DIP2C: variants seen among roughly 807,000 people sequenced by gnomAD.
DIP2C encodes disco-interacting protein 2 homolog C.
In DIP2C, 33 loss-of-function variants were observed where a neutral mutation model predicts 192.4. That is an observed-to-expected ratio of 0.17 (90% confidence interval 0.13 to 0.23). The LOEUF (loss-of-function observed/expected upper bound fraction) is 0.23, where lower values mean the gene tolerates loss of function less well. Ranked by LOEUF, DIP2C falls within the 10% of genes least tolerant of loss-of-function variation. The probability of loss-of-function intolerance (pLI) is 1.00; values close to 1 mark genes in which losing one functional copy is unlikely to be tolerated. For missense variants in DIP2C, 1,537 were observed against 2,110.1 expected, an observed-to-expected ratio of 0.73 and a Z score of 5.32; for synonymous variants, 979 against 864.1, an observed-to-expected ratio of 1.13 and a Z score of -2.33.
At chr10:442,730 A>G (rs982382225) in intron 3 of DIP2C, among the ~76,000 whole-genome samples, 9 of 152,232 alleles carry the variant, frequency 5.9e-5, no homozygotes, top group African/African-American at 2.2e-4. Context: ...GTTTCAATGT[A>G]TTTCCTAAAC....
intron 3 of DIP2C, among the ~76,000 whole-genome samples, chr10:458,211 T>G (rs1317972582): frequency 6.6e-6 from 1 of 152,186 alleles, no homozygotes; most frequent in Non-Finnish European, 1.5e-5. Flanking sequence ...GTAGGCCGCC[T>G]TCTCTCCTAG....
Position 623,085 on chromosome 10 carries a change from C to T in DIP2C, c.85+66409G>A, listed in dbSNP as rs189616454. On this transcript the variant is annotated intron_variant, in intron 1 of 36. Coordinates refer to ENST00000280886, the MANE Select transcript of DIP2C (RefSeq NM_014974.3). ...GCACAGAGAGGTGCATTCTGACAGGCGTGAGACATTGTCACCCTTCCCAGG... is the reference window on the plus strand; with the variant it reads ...GCACAGAGAGGTGCATTCTGACAGGTGTGAGACATTGTCACCCTTCCCAGG... 2.2e-3 allele frequency among the ~76,000 whole-genome samples: 342 copies of T among 152,284 alleles called. 2 individuals are homozygous for T. The highest frequency in any genetic ancestry group is 7.6e-3 in the African/African-American group (316 of 41,546).
intron 1 of DIP2C, chr10:650,451 C>G: frequency 1.4e-6 from 1 of 708,502 alleles, no homozygotes; most frequent in South Asian, 1.5e-5. Flanking sequence ...TGGTAGGTGA[C>G]CCGGTTATCG....
At chr10:559,150 T>C (rs1355592519) in intron 1 of DIP2C, among the ~76,000 whole-genome samples, 1 of 152,266 alleles carries the variant, frequency 6.6e-6, no homozygotes, top group African/African-American at 2.4e-5. Context: ...GCAGCAGCAC[T>C]GGCTGTATCT....
intron 22 of DIP2C, 126 bp downstream of exon 22, chr10:362,364 A>G: frequency 9.0e-7 from 1 of 1,106,498 alleles, no homozygotes; most frequent in South Asian, 1.8e-5. Flanking sequence ...TTCTTGGGGT[A>G]ACCACTTCTT....
intron 29 of DIP2C, among the ~76,000 whole-genome samples, chr10:337,167 G>A (rs61837313): frequency 0.94 from 106,312 of 113,426 alleles, 50,165 homozygotes; most frequent in South Asian, 0.98. Flanking sequence ...CTAGGCTGAT[G>A]TGTGCATGCG....
At chr10:528,626 C>A (rs1218163036) in intron 1 of DIP2C, among the ~76,000 whole-genome samples, 1 of 152,206 alleles carries the variant, frequency 6.6e-6, no homozygotes, top group African/African-American at 2.4e-5. Context: ...CACAGTGAGT[C>A]TCACTCGCTG....
At chr10:405,432 CACA>C (rs1477180593) in intron 9 of DIP2C, among the ~76,000 whole-genome samples, 3 of 152,302 alleles carry the variant, frequency 2.0e-5, no homozygotes, top group East Asian at 1.9e-4. Context: ...ATTGTACACA[CACA>C]ACAATACAAG....
chr10:562,035 G>A (rs1246872419), intron 1 of DIP2C, among the ~76,000 whole-genome samples: 6 of 152,320 alleles, frequency 3.9e-5, no homozygotes, highest in South Asian at 2.1e-4. Context: ...GCAAGCGGAC[G>A]TTCCGAAGGA....
intron 17 of DIP2C, among the ~76,000 whole-genome samples, chr10:372,766 C>CAGG (rs1961136274): frequency 6.6e-6 from 1 of 152,104 alleles, no homozygotes; most frequent in African/African-American, 2.4e-5. Flanking sequence ...TCCCGACACA[C>CAGG]AGGTGGGCAC....
chr10:588,775 T>C lies in DIP2C; in HGVS notation c.85+100719A>G, dbSNP rs552852403. On this transcript the variant is annotated intron_variant, in intron 1 of 36. Coordinates refer to ENST00000280886, the MANE Select transcript of DIP2C (RefSeq NM_014974.3). ...AGGCTACCCCAGCCTGCCAGGCTGG[T>C]ACTCTCACCCCAGCCACTGACAAGA... Among the ~76,000 whole-genome samples the C allele has an allele frequency of 2.6e-5, 4 of 152,216 alleles. No individual in the cohort carries two copies. The South Asian group carries it at 8.3e-4, about 32-fold the overall frequency.
intron 2 of DIP2C, among the ~76,000 whole-genome samples, chr10:478,930 G>A (rs1372021643): frequency 1.3e-5 from 2 of 152,228 alleles, no homozygotes; most frequent in Admixed American, 1.3e-4. Flanking sequence ...GGAGAGGAGG[G>A]CCAAGAGGCT....
intron 5 of DIP2C, among the ~76,000 whole-genome samples, chr10:419,654 G>C (rs1966041744): frequency 6.6e-6 from 1 of 152,156 alleles, no homozygotes; most frequent in Non-Finnish European, 1.5e-5. Flanking sequence ...CGTCAAATGG[G>C]AACAGTAATG....
Position 349,204 on chromosome 10 carries a change from G to A in DIP2C, c.3109+127C>T, listed in dbSNP as rs1958667397. On this transcript the variant is annotated intron_variant, in intron 25 of 36. Coordinates refer to ENST00000280886, the MANE Select transcript of DIP2C (RefSeq NM_014974.3). ...CAAACGGGCTGGTTAGCATCCAGCT[G>A]GATACAGTGCAGACTCCCAGCCATG... The A allele has an allele frequency of 4.5e-6, 6 of 1,337,770 alleles. No individual in the cohort carries two copies. In the East Asian group the frequency reaches 1.5e-4, roughly 34 times the overall value. 82.9% of individuals were successfully genotyped at this position (1,337,770 alleles called of 1,614,324 possible).
chr10:401,427 C>T (rs1964436124), intron 9 of DIP2C, among the ~76,000 whole-genome samples: 2 of 151,408 alleles, frequency 1.3e-5, no homozygotes, highest in African/African-American at 4.9e-5. Flanking sequence ...TGTGATTTTA[C>T]ATGTGTGGTA....
intron 31 of DIP2C, among the ~76,000 whole-genome samples, chr10:321,013 T>TGAAGCAGAAGCA (rs10524353): frequency 6.6e-6 from 1 of 151,230 alleles, no homozygotes; most frequent in Non-Finnish European, 1.5e-5. Flanking sequence ...GTCCGGGTTA[T>TGAAGCAGAAGCA]GAAGCAGGAA....
chr10:291,215 G>T (rs922533550), intron 32 of DIP2C, among the ~76,000 whole-genome samples: 17 of 152,206 alleles, frequency 1.1e-4, no homozygotes, highest in Non-Finnish European at 2.2e-4. Flanking sequence ...CCCCCATATT[G>T]ATCCTAAGCC....
chr10:623,319 G>T (rs1481055724), intron 1 of DIP2C, among the ~76,000 whole-genome samples: 3 of 151,572 alleles, frequency 2.0e-5, no homozygotes, highest in African/African-American at 7.3e-5. Context: ...GCACCAGACG[G>T]ATGCCTGCCA....
intron 1 of DIP2C, among the ~76,000 whole-genome samples, chr10:488,154 T>C (rs1402743021): frequency 1.3e-5 from 2 of 152,112 alleles, no homozygotes; most frequent in Admixed American, 6.5e-5. Flanking sequence ...TACTATCATC[T>C]CTCAAAACCT....
Sources: allele counts gnomAD v4.1 joint callset (sites outside exome capture counted in the v4.1 genomes callset), GRCh38; gene constraint gnomAD v4.1.1; transcripts MANE v1.5; gene names NCBI Gene and HGNC (gene_info 2026-07-23, HGNC 2026-07-21).